The following PLEKHG6 variants were observed in gnomAD, a reference collection of about 807,000 sequenced individuals.
PLEKHG6 encodes pleckstrin homology domain-containing family G member 6.
In PLEKHG6, 91 loss-of-function variants were observed where a neutral mutation model predicts 97.5. That is an observed-to-expected ratio of 0.93 (90% confidence interval 0.79 to 1.11). PLEKHG6 has a LOEUF of 1.11. Ranked by LOEUF, PLEKHG6 falls within the 50% of genes most tolerant of loss-of-function variation. The pLI, the probability that PLEKHG6 is intolerant of heterozygous loss-of-function variation, is 0.00. For synonymous variants in PLEKHG6, 466 were observed against 425.5 expected (o/e 1.10, Z -1.17); for missense variants, 1,044 against 1,031.0 (o/e 1.01, Z -0.17).
intron 14 of PLEKHG6, among the ~76,000 whole-genome samples, chr12:6,326,960 G>A (rs984315431): frequency 6.6e-5 from 10 of 152,040 alleles, no homozygotes; most frequent in African/African-American, 1.5e-4. Flanking sequence ...AAGAAGAATC[G>A]ATCATTGAGG....
intron 14 of PLEKHG6, 84 bp from the exon 15 acceptor site, chr12:6,327,170 C>T: frequency 1.3e-6 from 1 of 793,210 alleles, no homozygotes; most frequent in Non-Finnish European, 2.1e-6. Context: ...GGAGGAGGGG[C>T]CATTTCTGGA....
In PLEKHG6 at chr12:6,315,802, G is replaced by A. The variant is rs377137805; in HGVS notation, c.556-67G>A. On this transcript the variant is annotated intron_variant, in intron 5 of 15. Transcript: ENST00000684764. This position sits in a 1 kb window ranked among gnomAD's most constrained non-coding sequence, Gnocchi z 4.5. The stretch of plus-strand genomic sequence containing the variant: ...TAGGTCAGCAGTACTGAAGTTGGTG[G>A]GGGGTGGGAGGTGACGACACTGAAG... 3.5e-4 allele frequency: 483 copies of A among 1,392,506 alleles called. No individual in the cohort carries two copies. Among genetic ancestry groups the A allele is most frequent in the Non-Finnish European group, 4.4e-4 (449 of 1,012,378 alleles). 86.3% of individuals were successfully genotyped at this position (1,392,506 alleles called of 1,614,324 possible). A position where few individuals can be genotyped will look rare whatever the true frequency, so the allele number is the denominator to read the frequency against.
chr12:6,321,650 C>A (rs992935368), intron 13 of PLEKHG6, among the ~76,000 whole-genome samples: 4 of 151,450 alleles, frequency 2.6e-5, no homozygotes, highest in Admixed American at 2.6e-4. Flanking sequence ...CACGGTGAAA[C>A]CCCATCTCTA....
rs1258296768 is a variant in PLEKHG6, at chr12:6,317,676, C to A, written c.997C>A (p.Gln333Lys). The change falls in exon 9 of 16, where the codon CAA (glutamine) becomes AAA (lysine). Residue 333 changes from glutamine (Q) to lysine (K), a missense_variant. Coordinates refer to ENST00000684764, the MANE Select transcript of PLEKHG6 (RefSeq NM_001384598.1). ...CAAGAGGAGCCCCGAGGCACGAGCC[C>A]AAGAGGCCCTGAATGCCATGGTAGG... is the stretch of plus-strand genomic sequence containing the variant. The part of the protein sequence containing the change: ...VLKRSPEARA[Q>K]EALNAMIEAV... The A allele has an allele frequency of 1.2e-6, 2 of 1,613,644 alleles. No individual in the cohort carries two copies. Among genetic ancestry groups the A allele is most frequent in the African/African-American group, 1.3e-5 (1 of 74,940 alleles).
At chr12:6,313,293 G>A in intron 2 of PLEKHG6, 1 of 1,104,660 alleles carries the variant, frequency 9.1e-7, no homozygotes, top group Non-Finnish European at 1.3e-6. Flanking sequence ...ACCCCCCATG[G>A]TACGGAGAGC....
chr12:6,317,543 G>T lies in PLEKHG6; in HGVS notation c.868-4G>T. 6.2e-7 allele frequency: 1 copy of T among 1,613,434 alleles called. No individual in the cohort carries two copies. Reference sequence around the variant, plus strand: ...ACCCTGAGCCCCACCCACCTTCCCTGCAGTGGTGTGAGAAGCACAAGCGCT... The same window carrying T: ...ACCCTGAGCCCCACCCACCTTCCCTTCAGTGGTGTGAGAAGCACAAGCGCT... On this transcript the variant is annotated splice_polypyrimidine_tract_variant and splice_region_variant and intron_variant, in intron 8 of 15. Coordinates refer to ENST00000684764, the MANE Select transcript of PLEKHG6 (RefSeq NM_001384598.1).
Position 6,316,020 on chromosome 12 carries a change from C to A in PLEKHG6, c.606+101C>A. The stretch of plus-strand genomic sequence containing the variant: ...ATCCCTGTCTGAATTCCCACTGCCC[C>A]GTTTTTTGGGATGCCTTGCCCTCCC... On this transcript the variant is annotated intron_variant, in intron 6 of 15. Transcript: ENST00000684764. The surrounding 1 kb of genome is among the most constrained non-coding windows in gnomAD (Gnocchi z 4.1). The A allele has an allele frequency of 2.6e-6, 3 of 1,169,604 alleles. No homozygotes were observed. Among genetic ancestry groups the A allele is most frequent in the Non-Finnish European group, 3.6e-6 (3 of 828,586 alleles). The allele number at this position is 1,169,604 out of a possible 1,614,324, so 72.5% of individuals were successfully genotyped here. A position where few individuals can be genotyped will look rare whatever the true frequency, so the allele number is the denominator to read the frequency against.
chr12:6,312,021 C>G, intron 1 of PLEKHG6, 138 bp from the exon 2 acceptor site: 1 of 474,204 alleles, frequency 2.1e-6, no homozygotes, highest in Non-Finnish European at 3.7e-6. Flanking sequence ...CATGTTCCCC[C>G]CAACAAGTGA....
intron 10 of PLEKHG6, 123 bp from the exon 11 acceptor site, chr12:6,318,178 C>T (rs1020747990): frequency 9.9e-6 from 15 of 1,510,818 alleles, no homozygotes; most frequent in African/African-American, 1.4e-5. Flanking sequence ...GGGAGGCTTT[C>T]TCTAGCCCAT....
Position 6,326,447 on chromosome 12 carries a change from A to C in PLEKHG6, c.1544A>C (p.Lys515Thr). 1 of 1,613,814 alleles carries C rather than the reference A, an allele frequency of 6.2e-7. No homozygotes were observed. The highest frequency in any genetic ancestry group is 8.5e-7 in the Non-Finnish European group (1 of 1,179,814). Residue 515 changes from lysine (K) to threonine (T), a missense_variant, in exon 14 of 16, where the codon AAG (lysine) becomes ACG (threonine). By Grantham distance (78) the Lys-to-Thr change is moderately conservative (BLOSUM62 -1). Transcript: ENST00000684764. ...QQAQAALQKL[K>T]AEEYVQQKRE... is the part of the protein sequence containing the mutation. ...TCCCAGGCCGCCCTACAGAAGCTGA[A>C]GGCAGAGGAGTATGTTCAACAGAAG...
intron 2 of PLEKHG6, 72 bp from the exon 3 acceptor site, chr12:6,313,556 GC>G (rs71584803): frequency 9.1e-6 from 14 of 1,544,786 alleles, no homozygotes; most frequent in Admixed American, 1.8e-5. Context: ...AGCCAAGCCT[GC>G]CCCCCTACTA....
Position 6,319,025 on chromosome 12 carries a change from C to T in PLEKHG6, c.1441C>T (p.Gln481Ter). 1 of 1,614,056 alleles carries T rather than the reference C, an allele frequency of 6.2e-7. No individual in the cohort carries two copies. The highest frequency in any genetic ancestry group is 2.2e-5 in the East Asian group (1 of 44,882). Residue 481 changes from glutamine (Q) to a stop codon, truncating the protein, a stop_gained, in exon 13 of 16, where the codon CAG (glutamine) becomes TAG (stop). Coordinates refer to ENST00000684764, the MANE Select transcript of PLEKHG6 (RefSeq NM_001384598.1). LOFTEE classifies it high-confidence loss of function. ...CCTGCTGATCCACCTCACTGAATTC[C>T]AGTGTGTCTCCAGCGCCCTCCTTGT... ...SFLLIHLTEF[Q>*]CVSSALLVHC...
In PLEKHG6 at chr12:6,319,316, T is replaced by C. The variant is rs1947617851; in HGVS notation, c.1524+208T>C. ...TACAAAAATTAGCCGGGCGTGGTGG[T>C]GTGTGCCTGTAGTCCCCATTACTTG... On this transcript the variant is annotated intron_variant, in intron 13 of 15. Transcript: ENST00000684764. 4 of 610,552 alleles carry C rather than the reference T, an allele frequency of 6.6e-6. No individual in the cohort carries two copies. In the Admixed American group the frequency reaches 8.9e-5, roughly 14 times the overall value. The allele number at this position is 610,552 out of a possible 1,614,324, so 37.8% of individuals were successfully genotyped here.
In PLEKHG6 at chr12:6,327,537, G is replaced by A; in HGVS notation, c.1954G>A (p.Gly652Arg). 1 of 1,474,294 alleles carries A rather than the reference G, an allele frequency of 6.8e-7. No homozygotes were observed. The highest frequency in any genetic ancestry group is 9.1e-7 in the Non-Finnish European group (1 of 1,094,524). The allele number at this position is 1,474,294 out of a possible 1,614,324, so 91.3% of individuals were successfully genotyped here. The change falls in exon 15 of 16, where the codon GGA (glycine) becomes AGA (arginine). Residue 652 changes from glycine to arginine, a missense_variant. Physicochemically the swap from Gly to Arg is moderately radical, Grantham distance 125 (BLOSUM62 -2). Coordinates refer to ENST00000684764, the MANE Select transcript of PLEKHG6 (RefSeq NM_001384598.1). ...CCGAAGCGCCCCCGAACTGCCGGAAGGAATCCTAAAAGGAGGCAGTCTTCC... is the reference window on the plus strand; with the variant it reads ...CCGAAGCGCCCCCGAACTGCCGGAAAGAATCCTAAAAGGAGGCAGTCTTCC... ...QRRSAPELPE[G>R]ILKGGSLPQE...
At chr12:6,319,879 G>A (rs1947644782) in intron 13 of PLEKHG6, 2 of 158,792 alleles carry the variant, frequency 1.3e-5, no homozygotes, top group Admixed American at 1.3e-4. Context: ...TATGTAGAAT[G>A]AAGCTGGGAC....
chr12:6,328,067 C>A, intron 15 of PLEKHG6, 69 bp from the exon 16 acceptor site: 1 of 1,604,838 alleles, frequency 6.2e-7, no homozygotes, highest in Non-Finnish European at 8.5e-7. Flanking sequence ...GGGCTCTCCG[C>A]CTCACTCTTC....
In PLEKHG6 at chr12:6,321,826, TAA is replaced by T. The variant is rs57346521; in HGVS notation, c.1524+2733_1524+2734del. Among the ~76,000 whole-genome samples the T allele has an allele frequency of 1.6e-4, 16 of 97,372 alleles. No individual in the cohort carries two copies. In the South Asian group the frequency reaches 2.4e-3, roughly 15 times the overall value. 63.9% of individuals were successfully genotyped at this position (97,372 alleles called of 152,430 possible). A position where few individuals can be genotyped will look rare whatever the true frequency, so the allele number is the denominator to read the frequency against. On this transcript the variant is annotated intron_variant, in intron 13 of 15. Coordinates refer to ENST00000684764, the MANE Select transcript of PLEKHG6 (RefSeq NM_001384598.1). ...TGGGCGACAGAGCGAGACTCTGTCT[TAA>T]AAAAAAAAAAAAAAGAAGAGGGAAG... is the stretch of plus-strand genomic sequence containing the variant.
Position 6,315,129 on chromosome 12 carries a change from C to T in PLEKHG6, c.419C>T (p.Thr140Ile), listed in dbSNP as rs865984122. The change falls in exon 4 of 16, where the codon ACC becomes ATC. Residue 140 changes from threonine to isoleucine, a missense_variant. Transcript: ENST00000684764. This position sits in a 1 kb window ranked among gnomAD's most constrained non-coding sequence, Gnocchi z 4.5. Reference protein sequence around the residue: ...EIGEGGDSGLTIEKSWRELVP... With the variant: ...EIGEGGDSGLIIEKSWRELVP... ...GGAGAGGGTGGCGACAGTGGCCTGA[C>T]CATCGAGAAGTCCTGGAGGGAGCTG... 1 of 1,612,252 alleles carries T rather than the reference C, an allele frequency of 6.2e-7. No individual in the cohort carries two copies. The highest frequency in any genetic ancestry group is 8.5e-7 in the Non-Finnish European group (1 of 1,179,986).
intron 13 of PLEKHG6, among the ~76,000 whole-genome samples, chr12:6,320,811 G>T (rs1409569138): frequency 6.6e-6 from 1 of 152,136 alleles, no homozygotes. Context: ...GACTTTTAAG[G>T]ATAGGAAGAC....
Sources: gnomAD v4.1 joint callset for allele counts (sites outside exome capture counted in the v4.1 genomes callset) on GRCh38, gnomAD v4.1.1 for gene constraint, Gnocchi (gnomAD v3.1) non-coding constraint, MANE v1.5 for transcripts, NCBI Gene and HGNC (gene_info 2026-07-23, HGNC 2026-07-21) for gene names.